Variants in STXBP6 observed in about 807,000 individuals in gnomAD.
STXBP6 encodes syntaxin binding protein 6, also known as syntaxin-binding protein 6.
STXBP6 carries 21 observed loss-of-function variants against 26.9 expected under a neutral mutation model. That is an observed-to-expected ratio of 0.78 (90% CI 0.55 to 1.12). The LOEUF (loss-of-function observed/expected upper bound fraction) is 1.12, where lower values mean the gene tolerates loss of function less well. Among genes scored for constraint, STXBP6 ranks in the 50% most tolerant of loss-of-function variants. The pLI, the probability that STXBP6 is intolerant of heterozygous loss-of-function variation, is 0.00. For synonymous variants in STXBP6, 97 were observed against 92.6 expected (o/e 1.05, Z -0.27); for missense variants, 232 against 257.9 (o/e 0.90, Z 0.69).
At chr14:24,962,582 C>G (rs2073586045) in intron 2 of STXBP6, among the ~76,000 whole-genome samples, 1 of 152,056 alleles carries the variant, frequency 6.6e-6, no homozygotes, top group African/African-American at 2.4e-5. Flanking sequence ...CCCGCCTCAG[C>G]CTCCCAAAGT....
intron 2 of STXBP6, among the ~76,000 whole-genome samples, chr14:24,940,892 T>G (rs1209436883): frequency 6.6e-6 from 1 of 152,104 alleles, no homozygotes; most frequent in African/African-American, 2.4e-5. Flanking sequence ...GGCAGGCACA[T>G]GCAATCCTAG....
intron 2 of STXBP6, among the ~76,000 whole-genome samples, chr14:24,905,758 C>T (rs894395676): frequency 6.6e-6 from 1 of 152,126 alleles, no homozygotes; most frequent in Non-Finnish European, 1.5e-5. Context: ...TGTGTCAGTT[C>T]CTACCTAAAC....
At chr14:24,862,708 T>G (rs1247849472) in intron 2 of STXBP6, among the ~76,000 whole-genome samples, 1 of 152,198 alleles carries the variant, frequency 6.6e-6, no homozygotes, top group Non-Finnish European at 1.5e-5. Flanking sequence ...AACCACTTTA[T>G]GAAAATGTCT....
At chr14:24,995,022 A>C (rs544704881) in intron 1 of STXBP6, 2 of 158,342 alleles carry the variant, frequency 1.3e-5, no homozygotes, top group Admixed American at 6.5e-5. Context: ...AAAAAAAAAA[A>C]AAAAAAAACC....
In STXBP6 at chr14:24,811,284, T is replaced by A. The variant is rs572741055; in HGVS notation, c.*1425A>T. On this transcript the variant is annotated 3_prime_UTR_variant, in exon 6 of 6. Transcript: ENST00000323944. ...ATCCAAAAGTCATCTTATGCTCCTATGTAAGAGGCTGCAATACATATCGAC... is the reference window on the plus strand; with the variant it reads ...ATCCAAAAGTCATCTTATGCTCCTAAGTAAGAGGCTGCAATACATATCGAC... 6.6e-6 allele frequency: 1 copy of A among 152,240 alleles called. No individual in the cohort carries two copies. The highest frequency in any genetic ancestry group is 2.1e-4 in the South Asian group (1 of 4,820). 9.4% of individuals were successfully genotyped at this position (152,240 alleles called of 1,614,324 possible). A position where few individuals can be genotyped will look rare whatever the true frequency, so the allele number is the denominator to read the frequency against.
At position 24,812,521 on chromosome 14, in the gene STXBP6, T is replaced by C. The variant is rs1284625980; in HGVS notation, c.*188A>G. The C allele has an allele frequency of 1.6e-6, 1 of 609,630 alleles. No individual in the cohort carries two copies. The highest frequency in any genetic ancestry group is 2.9e-6 in the Non-Finnish European group (1 of 347,924). 37.8% of individuals were successfully genotyped at this position (609,630 alleles called of 1,614,324 possible). ...GCTATTGTAGCATTTATTAGCAAGA[T>C]CATTAGGGAAATGTAAAAATGCAAC... On this transcript the variant is annotated 3_prime_UTR_variant, in exon 6 of 6. Coordinates refer to ENST00000323944, the MANE Select transcript of STXBP6 (RefSeq NM_001394410.1).
chr14:24,969,736 A>G (rs897327581), intron 2 of STXBP6, among the ~76,000 whole-genome samples: 2 of 152,230 alleles, frequency 1.3e-5, no homozygotes, highest in East Asian at 3.8e-4. Flanking sequence ...ATGAAAAGAT[A>G]GCACAAAATA....
At chr14:25,017,838 T>C (rs1209151742) in intron 1 of STXBP6, among the ~76,000 whole-genome samples, 1 of 151,664 alleles carries the variant, frequency 6.6e-6, no homozygotes, top group African/African-American at 2.4e-5. Context: ...GCACAGTGGT[T>C]GCGAGCTCCA....
chr14:24,834,372 T>C (rs1338962268), intron 4 of STXBP6, among the ~76,000 whole-genome samples: 2 of 152,234 alleles, frequency 1.3e-5, no homozygotes, highest in African/African-American at 4.8e-5. Flanking sequence ...ACCTAAAAGA[T>C]AAATATTTCT....
chr14:24,880,750 T>C (rs1369788566), intron 2 of STXBP6, among the ~76,000 whole-genome samples: 1 of 152,130 alleles, frequency 6.6e-6, no homozygotes, highest in Non-Finnish European at 1.5e-5. Flanking sequence ...GATGAGAACA[T>C]GTCATGAACT....
chr14:24,930,140 T>A (rs1422388921), intron 2 of STXBP6, among the ~76,000 whole-genome samples: 1 of 152,234 alleles, frequency 6.6e-6, no homozygotes, highest in Non-Finnish European at 1.5e-5. Context: ...TGAAATCTAC[T>A]TTAAGTGGTA....
At chr14:24,819,388 G>A (rs1185732272) in intron 4 of STXBP6, 194 bp from the exon 5 acceptor site, 1 of 638,582 alleles carries the variant, frequency 1.6e-6, no homozygotes, top group Admixed American at 2.6e-5. Context: ...AACACCCACT[G>A]ACTGCAGGAC....
chr14:24,979,709 A>G (rs1443726049), intron 1 of STXBP6, among the ~76,000 whole-genome samples: 4 of 151,972 alleles, frequency 2.6e-5, no homozygotes, highest in South Asian at 2.1e-4. Flanking sequence ...TTCTCCCTCA[A>G]CCCTTTCAAA....
rs139784408 is a variant in STXBP6, at chr14:25,017,991, A to G, written c.-33+31887T>C. Among the ~76,000 whole-genome samples the G allele has an allele frequency of 4.6e-3, 693 of 152,236 alleles. 19 individuals carry two copies. The highest frequency in any genetic ancestry group is 0.037 in the Admixed American group (558 of 15,278). The stretch of plus-strand genomic sequence containing the variant: ...ATGCTCTTGGTCGTGGATCACCCAT[A>G]GGTCTTCTCCTCAAGTAAGCAATCA... On this transcript the variant is annotated intron_variant, in intron 1 of 5. Coordinates refer to ENST00000323944, the MANE Select transcript of STXBP6 (RefSeq NM_001394410.1).
At chr14:24,908,648 G>A (rs532944557) in intron 2 of STXBP6, among the ~76,000 whole-genome samples, 5 of 148,282 alleles carry the variant, frequency 3.4e-5, no homozygotes, top group African/African-American at 9.7e-5. Context: ...TCTTTCTCAG[G>A]TCTTCCTCCA....
rs542667678 is a variant in STXBP6 at position 24,960,136 on chromosome 14, A to G, written c.154+14529T>C. Among the ~76,000 whole-genome samples the G allele has an allele frequency of 4.8e-4, 73 of 152,350 alleles. 1 individual carries two copies. The highest frequency in any genetic ancestry group is 1.3e-3 in the African/African-American group (54 of 41,590). On this transcript the variant is annotated intron_variant, in intron 2 of 5. Coordinates refer to ENST00000323944, the MANE Select transcript of STXBP6 (RefSeq NM_001394410.1). The stretch of plus-strand genomic sequence containing the variant: ...GGACACTTAGTCCAGAGAGCAGCTG[A>G]ATCTGTATCCCATAGAAAGCCATGG...
intron 2 of STXBP6, among the ~76,000 whole-genome samples, chr14:24,899,363 T>G (rs1337020009): frequency 1.3e-5 from 2 of 152,172 alleles, no homozygotes; most frequent in Non-Finnish European, 2.9e-5. Context: ...TTAACAAACT[T>G]TTCAGAGAAA....
intron 1 of STXBP6, among the ~76,000 whole-genome samples, chr14:24,993,763 G>A (rs2074532026): frequency 1.3e-5 from 2 of 152,158 alleles, no homozygotes; most frequent in Non-Finnish European, 2.9e-5. Context: ...CTGTACAGTA[G>A]CAGACAGCAC....
rs71121808 is a variant in STXBP6, at chr14:24,976,852, C to CTTTTTTTTTTTTTT, written c.-32-2016_-32-2003dup. On this transcript the variant is annotated intron_variant, in intron 1 of 5. Transcript: ENST00000323944. ...CAAAGTCCTGAGCTGACTGGGCGCT[C>CTTTTTTTTTTTTTT]TTTTTTTTTTTTTTTTTTTTTTTTT... 9.7e-3 allele frequency among the ~76,000 whole-genome samples: 439 copies of CTTTTTTTTTTTTTT among 45,274 alleles called. 80 individuals are homozygous for CTTTTTTTTTTTTTT. Among genetic ancestry groups the CTTTTTTTTTTTTTT allele is most frequent in the African/African-American group, 0.027 (240 of 8,902 alleles). The allele number at this position is 45,274 out of a possible 152,430, so 29.7% of individuals were successfully genotyped here.
Sources: gnomAD v4.1 joint callset for allele counts (sites outside exome capture counted in the v4.1 genomes callset) on GRCh38, gnomAD v4.1.1 for gene constraint, MANE v1.5 for transcripts, NCBI Gene and HGNC (gene_info 2026-07-23, HGNC 2026-07-21) for gene names.